GAB2: variants seen among roughly 807,000 people sequenced by gnomAD.
GAB2 encodes the protein GRB2-associated-binding protein 2.
GAB2 carries 26 observed loss-of-function variants against 65.5 expected under a neutral mutation model. The observed-to-expected ratio is 0.40, with a 90% confidence interval of 0.29 to 0.55. The LOEUF is 0.55. GAB2 is among the 20% of genes least tolerant of loss of function. The pLI is 0.53. For missense variants in GAB2, 884 were observed against 875.8 expected (o/e 1.01, Z -0.12); for synonymous variants, 321 against 329.6 (o/e 0.97, Z 0.28).
In GAB2 at chr11:78,227,065, A is replaced by G; in HGVS notation, c.621-14T>C. ...AAGCTGGCACTCCTAAAAGAGAAAGAAGGGAAAGGGCAGGAGGGTGAGACA... is the reference window on the plus strand; with the variant it reads ...AAGCTGGCACTCCTAAAAGAGAAAGGAGGGAAAGGGCAGGAGGGTGAGACA... On this transcript the variant is annotated splice_polypyrimidine_tract_variant and intron_variant, in intron 3 of 9. Coordinates refer to ENST00000361507, the MANE Select transcript of GAB2 (RefSeq NM_080491.3). 6.5e-7 allele frequency: 1 copy of G among 1,537,050 alleles called. No individual in the cohort carries two copies. Among genetic ancestry groups the G allele is most frequent in the Non-Finnish European group, 9.0e-7 (1 of 1,116,734 alleles).
chr11:78,361,080 G>A (rs919913478), intron 1 of GAB2, among the ~76,000 whole-genome samples: 2 of 152,088 alleles, frequency 1.3e-5, no homozygotes, highest in African/African-American at 4.8e-5. Flanking sequence ...TTCACAAATG[G>A]TTACTAATGC....
At chr11:78,225,746 CTATT>C (rs1864623169) in intron 4 of GAB2, among the ~76,000 whole-genome samples, 1 of 152,162 alleles carries the variant, frequency 6.6e-6, no homozygotes, top group African/African-American at 2.4e-5. Context: ...CTCTGCAACT[CTATT>C]TAAGTCTCTT....
chr11:78,341,905 C>G (rs1403935744), intron 1 of GAB2: 1 of 985,118 alleles, frequency 1.0e-6, no homozygotes, highest in Non-Finnish European at 1.2e-6. Flanking sequence ...ATCTGAATGG[C>G]TAAGTGCAAT....
At chr11:78,333,549 T>C (rs1001422421) in intron 1 of GAB2, among the ~76,000 whole-genome samples, 9 of 152,186 alleles carry the variant, frequency 5.9e-5, no homozygotes, top group Non-Finnish European at 5.9e-5. Context: ...ATTACAGGTG[T>C]TAGCCACCAC....
In GAB2 at chr11:78,215,912, G is replaced by C. The variant is rs936824766; in HGVS notation, c.*3360C>G. ...GTCCCCATGGGAGAAGGGGCCAGAG[G>C]GAGGATGAGCTGAGCCCATGCTCCA... On this transcript the variant is annotated 3_prime_UTR_variant, in exon 10 of 10. Transcript: ENST00000361507. 1 of 152,704 alleles carries C rather than the reference G, an allele frequency of 6.5e-6. No homozygotes were observed. Among genetic ancestry groups the C allele is most frequent in the African/African-American group, 2.4e-5 (1 of 41,462 alleles). 9.5% of individuals were successfully genotyped at this position (152,704 alleles called of 1,614,324 possible).
intron 1 of GAB2, among the ~76,000 whole-genome samples, chr11:78,399,680 G>C (rs1486574434): frequency 2.6e-5 from 4 of 152,176 alleles, no homozygotes; most frequent in East Asian, 1.9e-4. Context: ...AAATTTGAAA[G>C]GGATGTGAAG....
At chr11:78,235,099 C>T (rs896382303) in intron 3 of GAB2, among the ~76,000 whole-genome samples, 1 of 152,140 alleles carries the variant, frequency 6.6e-6, no homozygotes, top group Non-Finnish European at 1.5e-5. Context: ...ACATTAGGCT[C>T]CTTGCTACTT....
chr11:78,336,795 G>A (rs1029460159), intron 1 of GAB2, among the ~76,000 whole-genome samples: 2 of 152,148 alleles, frequency 1.3e-5, no homozygotes, highest in Non-Finnish European at 2.9e-5. Flanking sequence ...GGAACATTAA[G>A]TGGCCAAAGG....
intron 1 of GAB2, among the ~76,000 whole-genome samples, chr11:78,369,094 T>C (rs1331884708): frequency 4.7e-5 from 7 of 147,766 alleles, no homozygotes; most frequent in South Asian, 2.1e-4. Context: ...GCAATGATTG[T>C]ACCACTGCAC....
chr11:78,344,692 G>A (rs1856152002), intron 1 of GAB2, among the ~76,000 whole-genome samples: 1 of 152,120 alleles, frequency 6.6e-6, no homozygotes, highest in African/African-American at 2.4e-5. Context: ...CATCTACACA[G>A]TGAACACTTC....
chr11:78,309,089 T>C (rs1021988667), intron 1 of GAB2, among the ~76,000 whole-genome samples: 1 of 152,094 alleles, frequency 6.6e-6, no homozygotes, highest in East Asian at 1.9e-4. Flanking sequence ...ACTTAGGAGT[T>C]AGGTCTTAGT....
intron 1 of GAB2, among the ~76,000 whole-genome samples, chr11:78,362,558 C>T (rs968442565): frequency 6.6e-5 from 10 of 152,048 alleles, no homozygotes; most frequent in African/African-American, 2.4e-4. Context: ...CAAATCAAAA[C>T]ATTTCCATAA....
At chr11:78,377,911 T>A (rs1192198332) in intron 1 of GAB2, among the ~76,000 whole-genome samples, 1 of 152,182 alleles carries the variant, frequency 6.6e-6, no homozygotes, top group South Asian at 2.1e-4. Flanking sequence ...TGTTTTACTA[T>A]CCAGCACTGC....
chr11:78,397,632 C>CA (rs1246472049), intron 1 of GAB2, among the ~76,000 whole-genome samples: 2 of 152,158 alleles, frequency 1.3e-5, no homozygotes, highest in Non-Finnish European at 2.9e-5. Context: ...GGTCTTATGA[C>CA]ACTAACCTCA....
intron 4 of GAB2, among the ~76,000 whole-genome samples, chr11:78,226,030 T>C (rs918127612): frequency 2.6e-5 from 4 of 152,238 alleles, no homozygotes; most frequent in African/African-American, 9.6e-5. Flanking sequence ...TCAAGTATGA[T>C]TTAGAAAATA....
chr11:78,282,273 G>A (rs991134825), intron 1 of GAB2, among the ~76,000 whole-genome samples: 12 of 151,478 alleles, frequency 7.9e-5, no homozygotes, highest in African/African-American at 2.4e-4. Flanking sequence ...AGAAATCTGC[G>A]TTCAGTCTAT....
intron 1 of GAB2, among the ~76,000 whole-genome samples, chr11:78,297,484 T>C (rs1866866128): frequency 6.6e-6 from 1 of 152,014 alleles, no homozygotes; most frequent in African/African-American, 2.4e-5. Context: ...AGGGAGTGTG[T>C]GTGTTTTGAA....
chr11:78,291,563 T>TTTTTTTC (rs1866680588), intron 1 of GAB2, among the ~76,000 whole-genome samples: 1 of 90,718 alleles, frequency 1.1e-5, no homozygotes, highest in African/African-American at 5.6e-5. Flanking sequence ...TTCTTTTTCT[T>TTTTTTTC]TTTTTTTTTT....
In GAB2 at chr11:78,226,620, G is replaced by GGGGGGCCC; in HGVS notation, c.1051_1052insGGGCCCCC (p.Pro351ArgfsTer79). On this transcript the variant is annotated frameshift_variant, in exon 4 of 10. Coordinates refer to ENST00000361507, the MANE Select transcript of GAB2 (RefSeq NM_080491.3). LOFTEE classifies it high-confidence loss of function. ...ACTTGGCTTGGGGGGGCGGGGTGGG[G>GGGGGGCCC]GAGCTATGGCTGAGTCCCCAGGAGT... The GGGGGGCCC allele has an allele frequency of 1.3e-6, 2 of 1,500,512 alleles. No individual in the cohort carries two copies. The highest frequency in any genetic ancestry group is 1.9e-6 in the Non-Finnish European group (2 of 1,078,988). 92.9% of individuals were successfully genotyped at this position (1,500,512 alleles called of 1,614,324 possible).
Sources: gnomAD v4.1 joint callset for allele counts (sites outside exome capture counted in the v4.1 genomes callset) on GRCh38, gnomAD v4.1.1 for gene constraint, MANE v1.5 for transcripts, NCBI Gene and HGNC (gene_info 2026-07-23, HGNC 2026-07-21) for gene names.